TRIM2: variants seen among roughly 807,000 people sequenced by gnomAD.
TRIM2 encodes the protein tripartite motif-containing protein 2.
Under a neutral mutation model 75.2 loss-of-function variants are expected in TRIM2, and 20 were observed. The observed-to-expected ratio is 0.27, with a 90% confidence interval of 0.19 to 0.39. The LOEUF is 0.39. Ranked by LOEUF, TRIM2 falls within the 10% of genes least tolerant of loss-of-function variation. The pLI, the probability that TRIM2 is intolerant of heterozygous loss-of-function variation, is 1.00. For synonymous variants in TRIM2, 373 were observed against 388.3 expected, an observed-to-expected ratio of 0.96 and a Z score of 0.46; for missense variants, 660 against 990.8, an observed-to-expected ratio of 0.67 and a Z score of 4.48.
chr4:153,176,072 T>C (rs1263807374), intron 1 of TRIM2, among the ~76,000 whole-genome samples: 1 of 151,940 alleles, frequency 6.6e-6, no homozygotes, highest in African/African-American at 2.4e-5. Context: ...AAAAACTTTT[T>C]TTTAAGAGTA....
intron 6 of TRIM2, among the ~76,000 whole-genome samples, 178 bp downstream of exon 6, chr4:153,296,214 G>T (rs1238000386): frequency 1.3e-5 from 2 of 152,178 alleles, no homozygotes; most frequent in East Asian, 3.8e-4. Context: ...CTCCTCCAGA[G>T]ATGGTATTTC....
At chr4:153,324,056 T>A in intron 9 of TRIM2, 22 bp from the exon 10 acceptor site, 1 of 1,597,488 alleles carries the variant, frequency 6.3e-7, no homozygotes, top group Non-Finnish European at 8.6e-7. Context: ...TCATCACATA[T>A]TTTTTTCCAT....
rs1749961264 is a variant in TRIM2, at chr4:153,248,660, C to G, written c.31-21675C>G. On this transcript the variant is annotated intron_variant, in intron 1 of 11. Coordinates refer to ENST00000338700, the MANE Select transcript of TRIM2 (RefSeq NM_015271.5). This position sits in a 1 kb window ranked among gnomAD's most constrained non-coding sequence, Gnocchi z 4.0. Reference sequence around the variant, plus strand: ...AGCAAATCCAGATATGTCTCCAGAGCCCGTGCCTTAATCGCAGATGCATTC... The same window carrying G: ...AGCAAATCCAGATATGTCTCCAGAGGCCGTGCCTTAATCGCAGATGCATTC... 6.6e-6 allele frequency among the ~76,000 whole-genome samples: 1 copy of G among 152,220 alleles called. No individual in the cohort carries two copies. Among genetic ancestry groups the G allele is most frequent in the South Asian group, 2.1e-4 (1 of 4,830 alleles).
chr4:153,309,730 TCTC>T (rs1765840675), intron 6 of TRIM2: 1 of 151,884 alleles, frequency 6.6e-6, no homozygotes, highest in South Asian at 2.1e-4. Context: ...TTCAAACAAT[TCTC>T]CTGCCTCGGC....
At position 153,206,405 on chromosome 4, in the gene TRIM2, G is replaced by A. The variant is rs182205670; in HGVS notation, c.30+1845G>A. 9.8e-4 allele frequency among the ~76,000 whole-genome samples: 150 copies of A among 152,294 alleles called. 1 individual carries two copies. The highest frequency in any genetic ancestry group is 3.5e-3 in the African/African-American group (146 of 41,560). ...TTGTTAGCATAGCTCACGGAACTCA[G>A]GGAGACACTTAATTCCATTTACCAG... On this transcript the variant is annotated intron_variant, in intron 1 of 11. Coordinates refer to ENST00000338700, the MANE Select transcript of TRIM2 (RefSeq NM_015271.5).
intron 10 of TRIM2, among the ~76,000 whole-genome samples, chr4:153,325,150 G>C (rs1221582246): frequency 6.6e-6 from 1 of 152,128 alleles, no homozygotes; most frequent in East Asian, 1.9e-4. Flanking sequence ...AACACCCAAA[G>C]GTACTCTCTG....
intron 1 of TRIM2, among the ~76,000 whole-genome samples, chr4:153,218,133 A>G (rs1738986872): frequency 6.6e-6 from 1 of 152,216 alleles, no homozygotes; most frequent in Non-Finnish European, 1.5e-5. Flanking sequence ...TGGTAATATA[A>G]TTTATTCACC....
At chr4:153,307,781 A>G (rs1347146435) in intron 6 of TRIM2, 25 of 705,296 alleles carry the variant, frequency 3.5e-5, no homozygotes, top group Non-Finnish European at 6.1e-5. Context: ...TCCACCACAC[A>G]GGTACAGCAC....
At position 153,263,036 on chromosome 4, in the gene TRIM2, C is replaced by G. The variant is rs17421397; in HGVS notation, c.31-7299C>G. ...ATGGTTTATGTTGCTAAGCATTAGACTATCACATGGGAGGCTGGGCATGGT... is the reference window on the plus strand; with the variant it reads ...ATGGTTTATGTTGCTAAGCATTAGAGTATCACATGGGAGGCTGGGCATGGT... On this transcript the variant is annotated intron_variant, in intron 1 of 11. Transcript: ENST00000338700. 9.4e-3 allele frequency among the ~76,000 whole-genome samples: 1,437 copies of G among 152,216 alleles called. 19 individuals are homozygous for G. Among genetic ancestry groups the G allele is most frequent in the African/African-American group, 0.031 (1,271 of 41,540 alleles).
chr4:153,295,502 C>T lies in TRIM2; in HGVS notation c.976C>T (p.Leu326=). Residue 326 remains leucine (L), a synonymous_variant, in exon 6 of 12, where the codon CTG becomes TTG. Transcript: ENST00000338700. The surrounding 1 kb of genome is among the most constrained non-coding windows in gnomAD (Gnocchi z 7.2). ...CTTGCACCCGCGGGAGAACGACCAG[C>T]TGGATTTCATCGTGGAAACCGAGGG... ...FPLHPRENDQ[L]DFIVETEGLK... 1 of 1,614,146 alleles carries T rather than the reference C, an allele frequency of 6.2e-7. No individual in the cohort carries two copies. The highest frequency in any genetic ancestry group is 2.2e-5 in the East Asian group (1 of 44,870).
At chr4:153,321,011 T>C (rs1452686957) in intron 8 of TRIM2, among the ~76,000 whole-genome samples, 2 of 152,214 alleles carry the variant, frequency 1.3e-5, no homozygotes, top group Non-Finnish European at 2.9e-5. Flanking sequence ...CTGTGGTTCT[T>C]ATAGTTTCCC....
intron 1 of TRIM2, among the ~76,000 whole-genome samples, chr4:153,251,193 C>T (rs1750794369): frequency 1.3e-5 from 2 of 152,254 alleles, no homozygotes; most frequent in Non-Finnish European, 2.9e-5. Flanking sequence ...ACCTCCCCCA[C>T]AGCCACTAAT....
chr4:153,261,704 G>A (rs1753632298), intron 1 of TRIM2, among the ~76,000 whole-genome samples: 1 of 152,144 alleles, frequency 6.6e-6, no homozygotes. Flanking sequence ...ATTTAACTTT[G>A]GCTTTTCTCT....
rs754006831 is a variant in TRIM2, at chr4:153,294,425, A to C, written c.726A>C (p.Leu242Phe). The C allele has an allele frequency of 1.9e-6, 3 of 1,614,184 alleles. No homozygotes were observed. Among genetic ancestry groups the C allele is most frequent in the Non-Finnish European group, 2.5e-6 (3 of 1,180,022 alleles). ...HSTFDELQKT[L>F]NVRKSVLLME... ...CCTTTGATGAGCTCCAGAAGACTTT[A>C]AATGTGCGCAAGAGTGTGCTGCTTA... is the stretch of plus-strand genomic sequence containing the variant. Residue 242 changes from leucine (L) to phenylalanine (F), a missense_variant, in exon 5 of 12, where the codon TTA (leucine) becomes TTC (phenylalanine). By Grantham distance (22) the Leu-to-Phe change is conservative (BLOSUM62 0). Transcript: ENST00000338700.
chr4:153,260,729 A>ACACAC (rs1753332536), intron 1 of TRIM2, among the ~76,000 whole-genome samples: 1 of 88,856 alleles, frequency 1.1e-5, no homozygotes, highest in Non-Finnish European at 2.1e-5. Flanking sequence ...CACACACATC[A>ACACAC]TCATCATCAT....
At chr4:153,302,047 A>G (rs755403349) in intron 6 of TRIM2, among the ~76,000 whole-genome samples, 1 of 152,142 alleles carries the variant, frequency 6.6e-6, no homozygotes, top group Non-Finnish European at 1.5e-5. Flanking sequence ...TAGCAGTTGC[A>G]TTTTAGATCA....
At chr4:153,277,256 G>A (rs182226117) in intron 3 of TRIM2, among the ~76,000 whole-genome samples, 2 of 152,104 alleles carry the variant, frequency 1.3e-5, no homozygotes, top group Non-Finnish European at 2.9e-5. Flanking sequence ...TTTATGTGGC[G>A]AGCTTATTCT....
At chr4:153,204,809 A>T (rs530001693) in intron 1 of TRIM2, among the ~76,000 whole-genome samples, 2 of 152,340 alleles carry the variant, frequency 1.3e-5, no homozygotes, top group East Asian at 3.9e-4. Context: ...CCAAAGCAAC[A>T]TGAATGTGGC....
intron 11 of TRIM2, 33 bp from the exon 12 acceptor site, chr4:153,334,778 TCTC>T (rs1347781342): frequency 1.3e-6 from 2 of 1,558,946 alleles, no homozygotes; most frequent in Non-Finnish European, 1.8e-6. Context: ...TACTATAACT[TCTC>T]CTATAACATT....
Sources: gnomAD v4.1 joint callset for allele counts (sites outside exome capture counted in the v4.1 genomes callset) on GRCh38, gnomAD v4.1.1 for gene constraint, Gnocchi (gnomAD v3.1) non-coding constraint, MANE v1.5 for transcripts, NCBI Gene and HGNC (gene_info 2026-07-23, HGNC 2026-07-21) for gene names.